The following SLC71A2 variants were observed in gnomAD, a reference collection of about 807,000 sequenced individuals.
SLC71A2 encodes the protein solute carrier family 71 member 2.
the SLC71A2 span, among the ~76,000 whole-genome samples, chr9:94,412,532 T>C: frequency 6.6e-6 from 1 of 151,988 alleles, no homozygotes; most frequent in Non-Finnish European, 1.5e-5. Flanking sequence ...CATCAATGTT[T>C]ATAGCAGCAT....
the SLC71A2 span, among the ~76,000 whole-genome samples, chr9:94,388,131 T>C: frequency 3.7e-5 from 3 of 81,408 alleles, no homozygotes; most frequent in South Asian, 4.5e-4. Context: ...CGTGGTAATA[T>C]GTTCCCTGAA....
the SLC71A2 span, among the ~76,000 whole-genome samples, chr9:94,416,356 A>AT: frequency 1.3e-5 from 2 of 152,096 alleles, no homozygotes; most frequent in Non-Finnish European, 2.9e-5. Context: ...CTCTAAAAAA[A>AT]CAAAAATTAA....
chr9:94,385,668 A>G, the SLC71A2 span, among the ~76,000 whole-genome samples: 1 of 152,196 alleles, frequency 6.6e-6, no homozygotes, highest in African/African-American at 2.4e-5. Flanking sequence ...TTGGCCATAC[A>G]TGGCTTATTT....
the SLC71A2 span, among the ~76,000 whole-genome samples, chr9:94,387,363 C>G: frequency 2.6e-5 from 4 of 152,112 alleles, no homozygotes; most frequent in African/African-American, 9.7e-5. Context: ...CACCTAAAAA[C>G]CTGGATGTTT....
At chr9:94,417,158 A>C in the SLC71A2 span, among the ~76,000 whole-genome samples, 2 of 152,214 alleles carry the variant, frequency 1.3e-5, no homozygotes, top group African/African-American at 2.4e-5. Flanking sequence ...TTTAATATGA[A>C]TATAGATAAA....
At chr9:94,435,855 T>C in the SLC71A2 span, among the ~76,000 whole-genome samples, 1 of 151,994 alleles carries the variant, frequency 6.6e-6, no homozygotes, top group Non-Finnish European at 1.5e-5. Flanking sequence ...GGTTTCACCA[T>C]GGCCAGGCTG....
At chr9:94,386,323 T>C in the SLC71A2 span, among the ~76,000 whole-genome samples, 1 of 150,068 alleles carries the variant, frequency 6.7e-6, no homozygotes, top group Non-Finnish European at 1.5e-5. Context: ...TTAGGCACAT[T>C]TGGAGCAGTG....
chr9:94,427,983 A>G, the SLC71A2 span, among the ~76,000 whole-genome samples: 22 of 152,102 alleles, frequency 1.4e-4, 2 homozygotes, highest in East Asian at 2.1e-3. Context: ...TTAGCTGGGC[A>G]TGGTGGCAGG....
chr9:94,379,934 CG>C, the SLC71A2 span, among the ~76,000 whole-genome samples: 52 of 152,246 alleles, frequency 3.4e-4, 2 homozygotes, highest in South Asian at 0.011. Context: ...GCTGTATACA[CG>C]TAAACATGCT....
chr9:94,413,546 T>C, the SLC71A2 span, among the ~76,000 whole-genome samples: 2 of 147,062 alleles, frequency 1.4e-5, no homozygotes, highest in Admixed American at 1.4e-4. Flanking sequence ...AGTTAGCTAT[T>C]AAAAAGAATG....
At chr9:94,449,387 G>A in the SLC71A2 span, among the ~76,000 whole-genome samples, 1 of 152,138 alleles carries the variant, frequency 6.6e-6, no homozygotes, top group African/African-American at 2.4e-5. Flanking sequence ...AGACTTAATA[G>A]CATCTTACAA....
the SLC71A2 span, among the ~76,000 whole-genome samples, chr9:94,457,994 G>T: frequency 6.6e-6 from 1 of 152,192 alleles, no homozygotes; most frequent in African/African-American, 2.4e-5. Flanking sequence ...GAGGTGAAGG[G>T]CAAGTTTTTG....
At chr9:94,459,023 T>C in the SLC71A2 span, 1 of 954,562 alleles carries the variant, frequency 1.0e-6, no homozygotes, top group African/African-American at 1.6e-5. Flanking sequence ...GAGTTTGCCT[T>C]GACATTTAAT....
the SLC71A2 span, among the ~76,000 whole-genome samples, chr9:94,430,207 C>G: frequency 2.2e-4 from 31 of 141,902 alleles, 1 homozygote; most frequent in African/African-American, 6.6e-4. Flanking sequence ...CTGACTGTTC[C>G]TCATTCTTTT....
At chr9:94,442,915 G>C in the SLC71A2 span, among the ~76,000 whole-genome samples, 1 of 150,956 alleles carries the variant, frequency 6.6e-6, no homozygotes, top group South Asian at 2.1e-4. Flanking sequence ...AAAAAGAAAA[G>C]AAAAAACAAA....
At chr9:94,388,969 G>A in the SLC71A2 span, among the ~76,000 whole-genome samples, 118 of 152,156 alleles carry the variant, frequency 7.8e-4, 1 homozygote, top group African/African-American at 2.7e-3. Flanking sequence ...TCCGTCCTTC[G>A]CCTCATTGCC....
the SLC71A2 span, among the ~76,000 whole-genome samples, chr9:94,450,965 G>A: frequency 6.6e-6 from 1 of 152,198 alleles, no homozygotes; most frequent in Non-Finnish European, 1.5e-5. Context: ...CCGCCAGAGA[G>A]CCTGATTTAA....
the SLC71A2 span, among the ~76,000 whole-genome samples, chr9:94,430,139 G>A: frequency 2.6e-5 from 4 of 151,050 alleles, no homozygotes; most frequent in Admixed American, 2.6e-4. Flanking sequence ...TCTTGACCTC[G>A]TGATCTGCCT....
chr9:94,460,344 GCTTCTC>G, the SLC71A2 span: 1 of 152,586 alleles, frequency 6.6e-6, no homozygotes, highest in African/African-American at 2.4e-5. Context: ...TCCATGTCCT[GCTTCTC>G]AAAGTTTTTC....
Sources: allele counts gnomAD v4.1 joint callset (sites outside exome capture counted in the v4.1 genomes callset), GRCh38; gene constraint gnomAD v4.1.1; transcripts MANE v1.5; gene names NCBI Gene and HGNC (gene_info 2026-07-23, HGNC 2026-07-21).